Variants in TMEM272 observed in about 807,000 individuals in gnomAD.
TMEM272 encodes long intergenic non-protein coding RNA 282.
Under a neutral mutation model 3.7 loss-of-function variants are expected in TMEM272, and 8 were observed. That is an observed-to-expected ratio of 2.17 (90% CI 1.27 to 3.91). The LOEUF (loss-of-function observed/expected upper bound fraction) is 3.91. Ranked by LOEUF, TMEM272 falls within the 30% of genes most tolerant of loss-of-function variation. TMEM272 has a pLI of 0.00. For missense variants in TMEM272, 166 were observed against 91.5 expected, an observed-to-expected ratio of 1.81 and a Z score of -3.32; for synonymous variants, 63 against 39.8, an observed-to-expected ratio of 1.58 and a Z score of -2.20.
chr13:51,856,350 G>A, the TMEM272 span, among the ~76,000 whole-genome samples: 1 of 152,186 alleles, frequency 6.6e-6, no homozygotes, highest in Non-Finnish European at 1.5e-5. Context: ...TGAGCATTAA[G>A]GGATTATAGA....
the TMEM272 span, among the ~76,000 whole-genome samples, chr13:51,894,330 TTG>T: frequency 1.3e-5 from 2 of 152,174 alleles, no homozygotes; most frequent in Non-Finnish European, 2.9e-5. Context: ...CACTCTTTCT[TTG>T]TGAGTCAGGG....
chr13:51,825,744 C>T (rs1354068682), intron 3 of TMEM272, among the ~76,000 whole-genome samples: 2 of 151,590 alleles, frequency 1.3e-5, no homozygotes, highest in African/African-American at 4.9e-5. Flanking sequence ...TACAGGCACA[C>T]GCAACCACAC....
At chr13:51,865,876 G>C in the TMEM272 span, 1 of 1,613,580 alleles carries the variant, frequency 6.2e-7, no homozygotes, top group Non-Finnish European at 8.5e-7. Context: ...TGTGGGTAGA[G>C]GAAAGAGCCC....
the TMEM272 span, among the ~76,000 whole-genome samples, chr13:51,896,883 G>C: frequency 2.0e-5 from 3 of 152,314 alleles, no homozygotes; most frequent in East Asian, 5.8e-4. Context: ...AATCACTGGG[G>C]TAGGACCCAG....
the TMEM272 span, among the ~76,000 whole-genome samples, chr13:51,901,862 C>T: frequency 6.6e-6 from 1 of 152,228 alleles, no homozygotes; most frequent in African/African-American, 2.4e-5. Context: ...GGTGTGTTTA[C>T]ATTCCAAATT....
the TMEM272 span, among the ~76,000 whole-genome samples, chr13:51,863,297 T>C: frequency 6.6e-6 from 1 of 152,144 alleles, no homozygotes; most frequent in African/African-American, 2.4e-5. Flanking sequence ...TCAGCTTTGA[T>C]CTTTGGGCTA....
chr13:51,854,162 G>A, the TMEM272 span, among the ~76,000 whole-genome samples: 1 of 152,172 alleles, frequency 6.6e-6, no homozygotes, highest in African/African-American at 2.4e-5. Flanking sequence ...GCTCGCTGAT[G>A]TTAAGTGATT....
the TMEM272 span, chr13:51,910,258 T>C: frequency 7.1e-7 from 1 of 1,407,212 alleles, no homozygotes; most frequent in Non-Finnish European, 1.0e-6. Context: ...TGTGCTTCTG[T>C]TGCCTCCTTC....
chr13:51,863,485 G>A, the TMEM272 span, among the ~76,000 whole-genome samples: 16,653 of 152,038 alleles, frequency 0.11, 2,583 homozygotes, highest in African/African-American at 0.35. Context: ...ACAGGGGCAT[G>A]GTTTCAGGAA....
At chr13:51,847,082 A>G (rs1956310844), upstream of TMEM272, among the ~76,000 whole-genome samples, 1 of 152,190 alleles carries the variant, frequency 6.6e-6, no homozygotes, top group Non-Finnish European at 1.5e-5. Flanking sequence ...ACTGTACACA[A>G]TGTTTAGATA....
At chr13:51,889,536 G>T in the TMEM272 span, among the ~76,000 whole-genome samples, 4 of 152,302 alleles carry the variant, frequency 2.6e-5, no homozygotes, top group Non-Finnish European at 4.4e-5. Flanking sequence ...AACCAGCCCT[G>T]CCGGCACCTT....
At chr13:51,922,468 C>T in the TMEM272 span, among the ~76,000 whole-genome samples, 3 of 152,050 alleles carry the variant, frequency 2.0e-5, 1 homozygote, top group South Asian at 6.3e-4. Flanking sequence ...AGGGTCTGGC[C>T]CTGTCACCCT....
At chr13:51,827,225 C>A (rs1314163177) in intron 2 of TMEM272, among the ~76,000 whole-genome samples, 1 of 152,132 alleles carries the variant, frequency 6.6e-6, no homozygotes, top group East Asian at 1.9e-4. Flanking sequence ...TTAATGCCAC[C>A]AATCCAACTT....
At chr13:51,881,580 CAT>C in the TMEM272 span, among the ~76,000 whole-genome samples, 2 of 152,106 alleles carry the variant, frequency 1.3e-5, no homozygotes, top group African/African-American at 2.4e-5. Context: ...TCACAAAACT[CAT>C]AGGTTGAAAT....
At chr13:51,830,160 C>T (rs1267998436) in intron 2 of TMEM272, among the ~76,000 whole-genome samples, 1 of 152,240 alleles carries the variant, frequency 6.6e-6, no homozygotes, top group African/African-American at 2.4e-5. Context: ...TATGAAGGCT[C>T]TTGTGTCATG....
At chr13:51,895,076 G>A in the TMEM272 span, among the ~76,000 whole-genome samples, 1 of 152,160 alleles carries the variant, frequency 6.6e-6, no homozygotes. Context: ...GGTAATTTAA[G>A]TGATGGGGAG....
At chr13:51,927,139 A>T in the TMEM272 span, among the ~76,000 whole-genome samples, 1 of 152,204 alleles carries the variant, frequency 6.6e-6, no homozygotes, top group Non-Finnish European at 1.5e-5. Flanking sequence ...CTAAGCTTAT[A>T]TGGATTTTGG....
the TMEM272 span, chr13:51,909,863 T>C: frequency 6.3e-7 from 1 of 1,593,374 alleles, no homozygotes; most frequent in Non-Finnish European, 8.6e-7. Flanking sequence ...GAACTTGTTC[T>C]GCGTGTACTT....
the TMEM272 span, among the ~76,000 whole-genome samples, chr13:51,888,639 CTTTTTTTTTTTTTT>C: frequency 2.6e-5 from 2 of 76,794 alleles, no homozygotes; most frequent in Non-Finnish European, 4.8e-5. Flanking sequence ...TTTTCTTTTT[CTTTTTTTTTTTTTT>C]TTTTTTTTTT....
Sources: gnomAD v4.1 joint callset for allele counts (sites outside exome capture counted in the v4.1 genomes callset) on GRCh38, gnomAD v4.1.1 for gene constraint, MANE v1.5 for transcripts, NCBI Gene and HGNC (gene_info 2026-07-23, HGNC 2026-07-21) for gene names.